Variants in TMEM185A observed in about 807,000 individuals in gnomAD.
TMEM185A encodes the protein family with sequence similarity 11, member A.
TMEM185A carries 9 observed loss-of-function variants against 25.0 expected under a neutral mutation model. The ratio of observed to expected loss-of-function variants is 0.36; its 90% CI spans 0.22 to 0.63. The LOEUF (loss-of-function observed/expected upper bound fraction) is 0.63. Among genes scored for constraint, TMEM185A ranks in the 20% least tolerant of loss-of-function variants. The probability of loss-of-function intolerance (pLI) is 0.68; values close to 1 mark genes in which losing one functional copy is unlikely to be tolerated. For missense variants in TMEM185A, 103 were observed against 237.4 expected (o/e 0.43, Z 3.72); for synonymous variants, 45 against 93.5 (o/e 0.48, Z 2.99).
At chrX:149,628,570 T>C (rs1456583958) in intron 1 of TMEM185A, among the ~76,000 whole-genome samples, 8 of 112,385 alleles carry the variant, frequency 7.1e-5, no homozygotes, top group African/African-American at 2.6e-4. Flanking sequence ...TGAATCATTC[T>C]CTGTCACTAT....
chrX:149,612,176 G>A (rs1043884726), intron 1 of TMEM185A, among the ~76,000 whole-genome samples: 1 of 111,550 alleles, frequency 9.0e-6, no homozygotes, highest in African/African-American at 3.3e-5. Context: ...TTACCTTCCC[G>A]CCTAAATAAG....
intron 1 of TMEM185A, among the ~76,000 whole-genome samples, chrX:149,624,762 C>T (rs2090155607): frequency 8.9e-6 from 1 of 111,887 alleles, no homozygotes; most frequent in Non-Finnish European, 1.9e-5. Context: ...GAGCATTTAA[C>T]CAGTAGATAC....
intron 1 of TMEM185A, among the ~76,000 whole-genome samples, chrX:149,611,900 C>T (rs782641324): frequency 8.9e-6 from 1 of 111,950 alleles, no homozygotes; most frequent in Non-Finnish European, 1.9e-5. Context: ...GACACAGAGA[C>T]TGGAAAAGGC....
intron 2 of TMEM185A, 132 bp downstream of exon 2, chrX:149,611,155 T>A: frequency 6.6e-6 from 4 of 609,931 alleles, no homozygotes; most frequent in Non-Finnish European, 1.0e-5. Flanking sequence ...AAGAGATCTG[T>A]TAGCTTATAC....
chrX:149,626,335 G>A (rs114130066), intron 1 of TMEM185A, among the ~76,000 whole-genome samples: 120 of 112,542 alleles, frequency 1.1e-3, no homozygotes, highest in African/African-American at 3.6e-3. Context: ...GTACACTCGT[G>A]CATTAGATAC....
intron 1 of TMEM185A, 48 bp downstream of exon 1, chrX:149,631,495 C>G (rs1044871955): frequency 8.8e-7 from 1 of 1,138,114 alleles, no homozygotes; most frequent in Non-Finnish European, 1.2e-6. Flanking sequence ...CAGCCCGCGC[C>G]CGAGCCCGCA....
rs186292985 is a variant in TMEM185A at position 149,631,768 on chromosome X, C to T, written c.-188G>A. 2 of 96,064 alleles carry T rather than the reference C, an allele frequency of 2.1e-5. No individual in the cohort carries two copies. Among genetic ancestry groups the T allele is most frequent in the African/African-American group, 1.2e-4 (1 of 8,505 alleles). 7.9% of individuals were successfully genotyped at this position (96,064 alleles called of 1,213,427 possible). On this transcript the variant is annotated 5_prime_UTR_variant, in exon 1 of 7. Transcript: ENST00000600449. ...GCCGCCGCCGCCGCCGCCGCCGCCG[C>T]CGCCGCCGCCGCCCGGAGAAACCTG...
intron 3 of TMEM185A, 85 bp downstream of exon 3, chrX:149,608,542 G>T: frequency 2.1e-6 from 2 of 944,104 alleles, no homozygotes; most frequent in East Asian, 6.2e-5. Context: ...TGTTGGCCAG[G>T]CTGGTCTCAA....
At chrX:149,609,616 A>G (rs1173327672) in intron 2 of TMEM185A, among the ~76,000 whole-genome samples, 2 of 112,695 alleles carry the variant, frequency 1.8e-5, no homozygotes, top group Non-Finnish European at 3.7e-5. Flanking sequence ...TATTCAAAAT[A>G]CAGATGAACA....
At chrX:149,599,495 C>G in intron 6 of TMEM185A, 59 bp downstream of exon 6, 4 of 837,686 alleles carry the variant, frequency 4.8e-6, no homozygotes, top group South Asian at 4.1e-5. Context: ...CCGCCACCCC[C>G]CACCCCCTGG....
chrX:149,609,696 G>A lies in TMEM185A; in HGVS notation c.216-862C>T, dbSNP rs782628943. 1.2e-3 allele frequency among the ~76,000 whole-genome samples: 135 copies of A among 112,287 alleles called. 1 individual carries two copies. Among genetic ancestry groups the A allele is most frequent in the Non-Finnish European group, 1.3e-3 (70 of 53,219 alleles). The stretch of plus-strand genomic sequence containing the variant: ...AGATCATAGAGAAAATGCTATCAGA[G>A]GTTATTCCTGTAGGACCCAACCATG... On this transcript the variant is annotated intron_variant, in intron 2 of 6. Coordinates refer to ENST00000600449, the MANE Select transcript of TMEM185A (RefSeq NM_032508.4).
At chrX:149,620,029 A>G (rs2090131941) in intron 1 of TMEM185A, among the ~76,000 whole-genome samples, 1 of 111,378 alleles carries the variant, frequency 9.0e-6, no homozygotes, top group Non-Finnish European at 1.9e-5. Flanking sequence ...ACACTTTTAC[A>G]CTGTTGGTGG....
In TMEM185A at chrX:149,631,700, T is replaced by C. The variant is rs2090194274; in HGVS notation, c.-120A>G. The C allele has an allele frequency of 2.8e-6, 2 of 723,981 alleles. No homozygotes were observed. The highest frequency in any genetic ancestry group is 3.8e-4 in the Middle Eastern group (1 of 2,610). The allele number at this position is 723,981 out of a possible 1,213,427, so 59.7% of individuals were successfully genotyped here. On this transcript the variant is annotated 5_prime_UTR_variant, in exon 1 of 7. Coordinates refer to ENST00000600449, the MANE Select transcript of TMEM185A (RefSeq NM_032508.4). Reference sequence around the variant, plus strand: ...GCCGCGTCCACGCTGCTGCTCCCGCTACTGCTGCCGTCCCCGCTGCCGTCG... The same window carrying C: ...GCCGCGTCCACGCTGCTGCTCCCGCCACTGCTGCCGTCCCCGCTGCCGTCG...
chrX:149,597,197 T>C lies in TMEM185A; in HGVS notation c.*814A>G. Reference sequence around the variant, plus strand: ...GAGTTCCAGGGCAGAAGTGGCAATGTCCCATGAAGGCGTGGCACCCCACGG... The same window carrying C: ...GAGTTCCAGGGCAGAAGTGGCAATGCCCCATGAAGGCGTGGCACCCCACGG... On this transcript the variant is annotated 3_prime_UTR_variant, in exon 7 of 7. Coordinates refer to ENST00000600449, the MANE Select transcript of TMEM185A (RefSeq NM_032508.4). 1 of 86,122 alleles carries C rather than the reference T, an allele frequency of 1.2e-5. No homozygotes were observed. The highest frequency in any genetic ancestry group is 4.4e-5 in the African/African-American group (1 of 22,510). The allele number at this position is 86,122 out of a possible 1,213,427, so 7.1% of individuals were successfully genotyped here.
Position 149,604,072 on chromosome X carries a change from T to C in TMEM185A, c.424-2A>G. 8.6e-7 allele frequency: 1 copy of C among 1,167,798 alleles called. No homozygotes were observed. Among genetic ancestry groups the C allele is most frequent in the Non-Finnish European group, 1.2e-6 (1 of 859,201 alleles). ...GTTGACAGAACACAGGATTTCTAAC[T>C]AAAAATGAAGAGAAGAATCAGTTAA... On this transcript the variant is annotated splice_acceptor_variant, in intron 3 of 6. Coordinates refer to ENST00000600449, the MANE Select transcript of TMEM185A (RefSeq NM_032508.4). LOFTEE classifies it high-confidence loss of function.
intron 1 of TMEM185A, among the ~76,000 whole-genome samples, chrX:149,624,082 A>C (rs1314912592): frequency 1.8e-5 from 2 of 112,995 alleles, no homozygotes; most frequent in Non-Finnish European, 3.7e-5. Context: ...TTCCAAGTAT[A>C]AAAATAGACT....
chrX:149,599,012 G>T (rs2090005799), intron 6 of TMEM185A, among the ~76,000 whole-genome samples: 1 of 66,964 alleles, frequency 1.5e-5, no homozygotes, highest in Non-Finnish European at 2.5e-5. Context: ...TCCGTGCCAT[G>T]GAGCCCACAG....
intron 1 of TMEM185A, 109 bp from the exon 2 acceptor site, chrX:149,611,572 C>T: frequency 1.4e-6 from 1 of 705,659 alleles, no homozygotes; most frequent in South Asian, 3.0e-5. Context: ...GAGTCACTAA[C>T]TCAATAATCA....
intron 6 of TMEM185A, 71 bp downstream of exon 6, chrX:149,599,483 A>G: frequency 3.3e-6 from 3 of 906,053 alleles, no homozygotes; most frequent in Non-Finnish European, 3.0e-6. Context: ...CTAGACTTCT[A>G]TCCGCCACCC....
Sources: allele counts gnomAD v4.1 joint callset (sites outside exome capture counted in the v4.1 genomes callset), GRCh38; gene constraint gnomAD v4.1.1; transcripts MANE v1.5; gene names NCBI Gene and HGNC (gene_info 2026-07-23, HGNC 2026-07-21).